FAM171A1: variants seen among roughly 807,000 people sequenced by gnomAD.
The protein encoded by FAM171A1 is protein FAM171A1.
Under a neutral mutation model 74.9 loss-of-function variants are expected in FAM171A1, and 23 were observed. The observed-to-expected ratio is 0.31, with a 90% CI of 0.22 to 0.44. The LOEUF (loss-of-function observed/expected upper bound fraction) is 0.44, where lower values mean the gene tolerates loss of function less well. Ranked by LOEUF, FAM171A1 falls within the 20% of genes least tolerant of loss-of-function variation. FAM171A1 has a pLI of 1.00. For synonymous variants in FAM171A1, 527 were observed against 505.7 expected, an observed-to-expected ratio of 1.04 and a Z score of -0.57; for missense variants, 1,162 against 1,159.2, an observed-to-expected ratio of 1.00 and a Z score of -0.03.
At chr10:15,255,397 C>T (rs994988596) in intron 3 of FAM171A1, among the ~76,000 whole-genome samples, 1 of 152,198 alleles carries the variant, frequency 6.6e-6, no homozygotes, top group African/African-American at 2.4e-5. Flanking sequence ...AATACCCCAG[C>T]GGCAATGAAT....
intron 2 of FAM171A1, among the ~76,000 whole-genome samples, chr10:15,279,063 C>T (rs150335375): frequency 5.8e-4 from 89 of 152,182 alleles, no homozygotes; most frequent in Non-Finnish European, 8.4e-4. Context: ...GCTCCCGTGG[C>T]GACTGCAGAC....
intron 1 of FAM171A1, among the ~76,000 whole-genome samples, chr10:15,313,973 AG>A (rs2131840667): frequency 6.6e-6 from 1 of 152,316 alleles, no homozygotes; most frequent in South Asian, 2.1e-4. Flanking sequence ...GCATAGTGCA[AG>A]GCAACGACGG....
intron 1 of FAM171A1, among the ~76,000 whole-genome samples, chr10:15,340,864 A>G (rs1193979351): frequency 6.6e-6 from 1 of 152,178 alleles, no homozygotes; most frequent in Non-Finnish European, 1.5e-5. Flanking sequence ...AATGTCACTC[A>G]GGAGTTTGAC....
At chr10:15,346,747 C>CA (rs1835820770) in intron 1 of FAM171A1, among the ~76,000 whole-genome samples, 1 of 152,180 alleles carries the variant, frequency 6.6e-6, no homozygotes, top group African/African-American at 2.4e-5. Flanking sequence ...AGACACAGAA[C>CA]AAAAATCAAA....
At chr10:15,218,918 G>A (rs1218916153) in intron 6 of FAM171A1, among the ~76,000 whole-genome samples, 1 of 152,000 alleles carries the variant, frequency 6.6e-6, no homozygotes, top group East Asian at 1.9e-4. Flanking sequence ...TTATAGCCTT[G>A]AGTCTCTTCC....
At chr10:15,278,618 GA>G (rs1410831067) in intron 2 of FAM171A1, among the ~76,000 whole-genome samples, 1 of 152,170 alleles carries the variant, frequency 6.6e-6, no homozygotes, top group African/African-American at 2.4e-5. Flanking sequence ...ATGAATCTTG[GA>G]AACATCAGGC....
intron 5 of FAM171A1, among the ~76,000 whole-genome samples, chr10:15,226,519 C>T (rs1834109778): frequency 6.6e-6 from 1 of 152,228 alleles, no homozygotes; most frequent in African/African-American, 2.4e-5. Flanking sequence ...ATCCCCACCA[C>T]AGCCATCCCC....
At chr10:15,236,596 G>A (rs769383036) in intron 5 of FAM171A1, among the ~76,000 whole-genome samples, 2 of 152,152 alleles carry the variant, frequency 1.3e-5, no homozygotes, top group African/African-American at 2.4e-5. Flanking sequence ...TCCTGTTCAC[G>A]AATGCTATCA....
At chr10:15,274,522 T>C (rs1027229772) in intron 3 of FAM171A1, among the ~76,000 whole-genome samples, 65 of 152,168 alleles carry the variant, frequency 4.3e-4, no homozygotes, top group African/African-American at 1.5e-3. Context: ...CTTCACAGAA[T>C]TGGAAAAAAC....
At position 15,248,510 on chromosome 10, in the gene FAM171A1, A is replaced by G. The variant is rs543715660; in HGVS notation, c.754+129T>C. ...GGGTGCCGTCCCCATGAGAAACCAC[A>G]CAATGCAATGTGAGCAGCAGCATTC... On this transcript the variant is annotated intron_variant, in intron 5 of 7. Transcript: ENST00000378116. 6 of 962,308 alleles carry G rather than the reference A, an allele frequency of 6.2e-6. No individual in the cohort carries two copies. The African/African-American group carries it at 6.6e-5, about 11-fold the overall frequency. 59.6% of individuals were successfully genotyped at this position (962,308 alleles called of 1,614,324 possible). A position where few individuals can be genotyped will look rare whatever the true frequency, so the allele number is the denominator to read the frequency against.
At chr10:15,342,346 G>C (rs1203864961) in intron 1 of FAM171A1, among the ~76,000 whole-genome samples, 1 of 152,232 alleles carries the variant, frequency 6.6e-6, no homozygotes, top group Non-Finnish European at 1.5e-5. Context: ...AAGGCAGGCA[G>C]ATCGCTTGCA....
In FAM171A1 at chr10:15,214,587, T is replaced by G. The variant is rs930869373; in HGVS notation, c.1001A>C (p.Lys334Thr). The change falls in exon 8 of 8, where the codon AAA becomes ACA. Residue 334 changes from lysine (K) to threonine (T), a missense_variant. Lys to Thr is a moderately conservative substitution (Grantham distance 78). Transcript: ENST00000378116. The stretch of plus-strand genomic sequence containing the variant: ...CAGTTTTCTGTGGTGCTGACGAGGT[T>G]TCAAGCACTTCCTCCTGCGCCCAAA... ...LLYYCRRKCL[K>T]PRQHHRKLQL... 8 of 1,593,310 alleles carry G rather than the reference T, an allele frequency of 5.0e-6. No individual in the cohort carries two copies. Among genetic ancestry groups the G allele is most frequent in the Non-Finnish European group, 6.8e-6 (8 of 1,168,956 alleles).
At chr10:15,346,011 G>C (rs528054692) in intron 1 of FAM171A1, among the ~76,000 whole-genome samples, 65 of 152,182 alleles carry the variant, frequency 4.3e-4, no homozygotes, top group Non-Finnish European at 8.4e-4. Flanking sequence ...CTTAAGCAAA[G>C]GGAAAGATTG....
At chr10:15,303,162 C>A (rs1835253424) in intron 1 of FAM171A1, among the ~76,000 whole-genome samples, 1 of 152,172 alleles carries the variant, frequency 6.6e-6, no homozygotes, top group Non-Finnish European at 1.5e-5. Context: ...GCACTCCAGC[C>A]TGGGCGACAA....
intron 2 of FAM171A1, among the ~76,000 whole-genome samples, chr10:15,279,187 T>A (rs1481436301): frequency 6.6e-6 from 1 of 152,196 alleles, no homozygotes; most frequent in Non-Finnish European, 1.5e-5. Flanking sequence ...GTTTTGAAAA[T>A]GTTTCTCACC....
At position 15,310,180 on chromosome 10, in the gene FAM171A1, A is replaced by T. The variant is rs535117318; in HGVS notation, c.98-26075T>A. The stretch of plus-strand genomic sequence containing the variant: ...TGGGGGCAGGTGCAGACTGGGGGAA[A>T]GTGTTTGGTGAGCAGGAATTTGGTG... On this transcript the variant is annotated intron_variant, in intron 1 of 7. Transcript: ENST00000378116. Among the ~76,000 whole-genome samples the T allele has an allele frequency of 7.9e-5, 12 of 152,308 alleles. No individual in the cohort carries two copies. In the East Asian group the frequency reaches 2.3e-3, roughly 29 times the overall value.
At position 15,333,454 on chromosome 10, in the gene FAM171A1, C is replaced by T. The variant is rs550534960; in HGVS notation, c.97+37502G>A. 1.1e-4 allele frequency among the ~76,000 whole-genome samples: 17 copies of T among 152,276 alleles called. No homozygotes were observed. In the South Asian group the frequency reaches 3.5e-3, roughly 32 times the overall value. ...GGCGGAGGGTGCAGTGAGCTGAGATCACGCCATTGCACTCCAGCCTGGGTG... is the reference window on the plus strand; with the variant it reads ...GGCGGAGGGTGCAGTGAGCTGAGATTACGCCATTGCACTCCAGCCTGGGTG... On this transcript the variant is annotated intron_variant, in intron 1 of 7. Coordinates refer to ENST00000378116, the MANE Select transcript of FAM171A1 (RefSeq NM_001010924.2).
Position 15,212,116 on chromosome 10 carries a change from A to G in FAM171A1, c.*799T>C, listed in dbSNP as rs1194378435. 6.5e-6 allele frequency: 1 copy of G among 152,682 alleles called. No homozygotes were observed. Among genetic ancestry groups the G allele is most frequent in the African/African-American group, 2.4e-5 (1 of 41,466 alleles). 9.5% of individuals were successfully genotyped at this position (152,682 alleles called of 1,614,324 possible). On this transcript the variant is annotated 3_prime_UTR_variant, in exon 8 of 8. Transcript: ENST00000378116. ...CCAGGCAGTTCCATTAAAGGGGTTA[A>G]GAAAACCAACAACAACAAAAAGCGA...
chr10:15,374,453 T>C (rs1458926105), upstream of FAM171A1, among the ~76,000 whole-genome samples: 1 of 152,252 alleles, frequency 6.6e-6, no homozygotes, highest in Non-Finnish European at 1.5e-5. Flanking sequence ...GCCAGAATTA[T>C]GTAAGAATTA....
Sources: allele counts gnomAD v4.1 joint callset (sites outside exome capture counted in the v4.1 genomes callset), GRCh38; gene constraint gnomAD v4.1.1; transcripts MANE v1.5; gene names NCBI Gene and HGNC (gene_info 2026-07-23, HGNC 2026-07-21).